The following PFKFB2 variants were observed in gnomAD, a reference collection of about 807,000 sequenced individuals.
PFKFB2 encodes the protein 6-phosphofructo-2-kinase/fructose-2,6-bisphosphatase 2.
Under a neutral mutation model 68.0 loss-of-function variants are expected in PFKFB2, and 53 were observed. The observed-to-expected ratio is 0.78, with a 90% confidence interval of 0.63 to 0.98. The LOEUF is 0.98. PFKFB2 is among the 50% of genes least tolerant of loss of function. The pLI is 0.00. For missense variants in PFKFB2, 451 were observed against 642.0 expected, an observed-to-expected ratio of 0.70 and a Z score of 3.22; for synonymous variants, 222 against 227.6, an observed-to-expected ratio of 0.98 and a Z score of 0.22.
chr1:207,073,855 A>G lies in PFKFB2; in HGVS notation c.*1484A>G. On this transcript the variant is annotated 3_prime_UTR_variant, in exon 15 of 15. Transcript: ENST00000367080. ...GTATGTTTTTCTGAGAGGCAAGTTT[A>G]GGGTTCTCATGGGATTTTAAAAAGA... The G allele has an allele frequency of 1.0e-6, 1 of 985,374 alleles. No homozygotes were observed. The highest frequency in any genetic ancestry group is 1.2e-6 in the Non-Finnish European group (1 of 829,872). 61.0% of individuals were successfully genotyped at this position (985,374 alleles called of 1,614,324 possible). A position where few individuals can be genotyped will look rare whatever the true frequency, so the allele number is the denominator to read the frequency against.
chr1:207,043,284 T>C (rs1329550512), intron 2 of PFKFB2, among the ~76,000 whole-genome samples: 1 of 152,232 alleles, frequency 6.6e-6, no homozygotes, highest in Non-Finnish European at 1.5e-5. Flanking sequence ...GGATGTACAC[T>C]GACCCCCAGA....
At chr1:207,053,904 A>ATTTTTTTTT (rs574695365) in intron 1 of PFKFB2, among the ~76,000 whole-genome samples, 2 of 97,894 alleles carry the variant, frequency 2.0e-5, no homozygotes, top group African/African-American at 8.1e-5. Flanking sequence ...TTCATTTTTC[A>ATTTTTTTTT]TTTTTTTTTT....
At chr1:207,043,312 T>C (rs1409230504) in intron 2 of PFKFB2, among the ~76,000 whole-genome samples, 1 of 152,242 alleles carries the variant, frequency 6.6e-6, no homozygotes, top group Non-Finnish European at 1.5e-5. Flanking sequence ...TTTATGCTGC[T>C]GTACAAACTG....
intron 1 of PFKFB2, among the ~76,000 whole-genome samples, chr1:207,054,198 G>A (rs2102335416): frequency 6.6e-6 from 1 of 152,022 alleles, no homozygotes; most frequent in Admixed American, 6.5e-5. Context: ...CACCGTGCCC[G>A]GCCTCACTGT....
intron 1 of PFKFB2, among the ~76,000 whole-genome samples, chr1:207,035,894 T>C (rs930342400): frequency 2.0e-5 from 3 of 152,140 alleles, no homozygotes; most frequent in African/African-American, 7.2e-5. Flanking sequence ...TATTAATATT[T>C]ATTTTATTTG....
At position 207,062,468 on chromosome 1, in the gene PFKFB2, CT is replaced by C. The variant is rs997890687; in HGVS notation, c.212-148del. 32 of 1,244,558 alleles carry C rather than the reference CT, an allele frequency of 2.6e-5. No individual in the cohort carries two copies. The African/African-American group carries it at 4.0e-4, about 16-fold the overall frequency. The allele number at this position is 1,244,558 out of a possible 1,614,324, so 77.1% of individuals were successfully genotyped here. A position where few individuals can be genotyped will look rare whatever the true frequency, so the allele number is the denominator to read the frequency against. On this transcript the variant is annotated intron_variant, in intron 3 of 14. Coordinates refer to ENST00000367080, the MANE Select transcript of PFKFB2 (RefSeq NM_006212.2). ...AGAAAGTCAGGGCTTGAACCCAACT[CT>C]TTTGACTCTTAATCTGATATTGTTC...
Position 207,064,904 on chromosome 1 carries a change from G to A in PFKFB2, c.508-132G>A, listed in dbSNP as rs567323355. The A allele has an allele frequency of 1.1e-5, 11 of 1,037,154 alleles. No homozygotes were observed. In the African/African-American group the frequency reaches 1.4e-4, roughly 13 times the overall value. The allele number at this position is 1,037,154 out of a possible 1,614,324, so 64.2% of individuals were successfully genotyped here. ...GGGCGGGGCGGGGGGTACTCAATGA[G>A]TGGAGTGCCAATGTTCCAGTGAAAG... On this transcript the variant is annotated intron_variant, in intron 7 of 14. Coordinates refer to ENST00000367080, the MANE Select transcript of PFKFB2 (RefSeq NM_006212.2).
rs1470665494 is a variant in PFKFB2 at position 207,063,291 on chromosome 1, T to C, written c.376-56T>C. 3.2e-6 allele frequency: 5 copies of C among 1,570,996 alleles called. No individual in the cohort carries two copies. Among genetic ancestry groups the C allele is most frequent in the African/African-American group, 1.4e-5 (1 of 74,064 alleles). Reference sequence around the variant, plus strand: ...ACCCAGCCCCACCTTGAGTCTGCCCTGGTGGGGTTCTGTTTCTCTGTTCCT... The same window carrying C: ...ACCCAGCCCCACCTTGAGTCTGCCCCGGTGGGGTTCTGTTTCTCTGTTCCT... On this transcript the variant is annotated intron_variant, in intron 5 of 14. Coordinates refer to ENST00000367080, the MANE Select transcript of PFKFB2 (RefSeq NM_006212.2). The surrounding 1 kb of genome is among the most constrained non-coding windows in gnomAD (Gnocchi z 4.1).
chr1:207,051,067 C>T (rs1270859215), upstream of PFKFB2: 22 of 1,467,424 alleles, frequency 1.5e-5, no homozygotes, highest in Non-Finnish European at 1.9e-5. Context: ...TATCGCGACG[C>T]TTCGGTGCGG....
chr1:207,050,857 A>C (rs1415284430), upstream of PFKFB2: 1 of 1,612,604 alleles, frequency 6.2e-7, no homozygotes. Flanking sequence ...CCTGCAAAAC[A>C]TGGGTGCCGT....
At chr1:207,060,992 A>T (rs55767906) in intron 2 of PFKFB2, 1 of 142,586 alleles carries the variant, frequency 7.0e-6, no homozygotes, top group East Asian at 2.0e-4. Flanking sequence ...ATATCTATAT[A>T]TATCTATATC....
chr1:207,070,366 T>A lies in PFKFB2; in HGVS notation c.1179T>A (p.Ala393=). The part of the protein sequence containing the change: ...QGNVLVISHQ[A]VMRCLLAYFL... ...ATGTCCTCGTCATCTCCCACCAGGC[T>A]GTCATGCGCTGCCTCCTGGCCTACT... Residue 393 remains alanine, a synonymous_variant, in exon 12 of 15, where the codon GCT becomes GCA. Coordinates refer to ENST00000367080, the MANE Select transcript of PFKFB2 (RefSeq NM_006212.2). This position sits in a 1 kb window ranked among gnomAD's most constrained non-coding sequence, Gnocchi z 4.2. 1 of 1,613,986 alleles carries A rather than the reference T, an allele frequency of 6.2e-7. No individual in the cohort carries two copies. Among genetic ancestry groups the A allele is most frequent in the East Asian group, 2.2e-5 (1 of 44,882 alleles).
Position 207,065,083 on chromosome 1 carries a change from C to T in PFKFB2, c.555C>T (p.Asn185=), listed in dbSNP as rs765128228. ...SPDYPERNRE[N]VMEDFLKRIE... is the part of the protein sequence containing the mutation. ...ACTATCCTGAAAGGAACAGAGAGAA[C>T]GTGATGGAGGACTTCCTGAAGAGAA... The change falls in exon 8 of 15, where the codon AAC becomes AAT. Residue 185 remains asparagine, a synonymous_variant. Coordinates refer to ENST00000367080, the MANE Select transcript of PFKFB2 (RefSeq NM_006212.2). 8.7e-6 allele frequency: 14 copies of T among 1,613,858 alleles called. No individual in the cohort carries two copies. Among genetic ancestry groups the T allele is most frequent in the African/African-American group, 4.0e-5 (3 of 74,878 alleles).
chr1:207,044,831 T>G (rs1423240082), intron 2 of PFKFB2: 1 of 152,522 alleles, frequency 6.6e-6, no homozygotes, highest in Non-Finnish European at 1.5e-5. Context: ...CCCTTCACTC[T>G]ACCATGAGGG....
upstream of PFKFB2, chr1:207,052,925 G>A (rs1426722376): frequency 2.6e-5 from 4 of 152,202 alleles, no homozygotes; most frequent in African/African-American, 4.8e-5. Flanking sequence ...GTTAATCTTT[G>A]CAGCATTTTC....
Position 207,070,511 on chromosome 1 carries a change from A to G in PFKFB2, c.1222+102A>G. 1 of 1,268,462 alleles carries G rather than the reference A, an allele frequency of 7.9e-7. No homozygotes were observed. Among genetic ancestry groups the G allele is most frequent in the Admixed American group, 2.2e-5 (1 of 45,204 alleles). 78.6% of individuals were successfully genotyped at this position (1,268,462 alleles called of 1,614,324 possible). A position where few individuals can be genotyped will look rare whatever the true frequency, so the allele number is the denominator to read the frequency against. On this transcript the variant is annotated intron_variant, in intron 12 of 14. Transcript: ENST00000367080. The surrounding 1 kb of genome is among the most constrained non-coding windows in gnomAD (Gnocchi z 4.2). ...AAACAGACCTCCCTGTCTCCACTCA[A>G]ATTAGAGTACTTTCTCCAGACAGCA...
At chr1:207,049,872 G>T, upstream of PFKFB2, 1 of 705,022 alleles carries the variant, frequency 1.4e-6, no homozygotes, top group Non-Finnish European at 2.3e-6. Flanking sequence ...TAAGTTACCA[G>T]TAAGAATCTT....
At chr1:207,077,957 A>G (rs921395688), downstream of PFKFB2, 8 of 208,842 alleles carry the variant, frequency 3.8e-5, no homozygotes, top group Non-Finnish European at 6.7e-5. Context: ...ATTGAAGACC[A>G]TGGTGTAGCC....
At chr1:207,052,334 G>A (rs1682773856), upstream of PFKFB2, 2 of 1,048,556 alleles carry the variant, frequency 1.9e-6, no homozygotes, top group African/African-American at 1.6e-5. Flanking sequence ...CTGGGTTAGG[G>A]GGTAGGTAGG....
Sources: allele counts gnomAD v4.1 joint callset (sites outside exome capture counted in the v4.1 genomes callset), GRCh38; gene constraint gnomAD v4.1.1; non-coding constraint Gnocchi (gnomAD v3.1); transcripts MANE v1.5; gene names NCBI Gene and HGNC (gene_info 2026-07-23, HGNC 2026-07-21).